Variants in CLVS1 observed in about 807,000 individuals in gnomAD.
CLVS1 encodes the protein clavesin-1.
Under a neutral mutation model 33.1 loss-of-function variants are expected in CLVS1, and 10 were observed. That is an observed-to-expected ratio of 0.30 (90% CI 0.19 to 0.51). CLVS1 has a LOEUF of 0.51. Ranked by LOEUF, CLVS1 falls within the 20% of genes least tolerant of loss-of-function variation. The pLI, the probability that CLVS1 is intolerant of heterozygous loss-of-function variation, is 0.97. For synonymous variants in CLVS1, 163 were observed against 166.1 expected (o/e 0.98, Z 0.14); for missense variants, 343 against 433.4 (o/e 0.79, Z 1.85).
In CLVS1 at chr8:61,202,798, A is replaced by G. The variant is rs572030695; in HGVS notation, c.-152+70938A>G. ...GCGATCTGCCCTCGGAGGTAGTAGC[A>G]AGCTTCCACAGAAAAAAGTAAAACT... On this transcript the variant is annotated intron_variant, in intron 2 of 2. Transcript: ENST00000522621. 241 of 1,398,164 alleles carry G rather than the reference A, an allele frequency of 1.7e-4. No homozygotes were observed. In the African/African-American group the frequency reaches 3.2e-3, roughly 18 times the overall value. The allele number at this position is 1,398,164 out of a possible 1,614,324, so 86.6% of individuals were successfully genotyped here. A position where few individuals can be genotyped will look rare whatever the true frequency, so the allele number is the denominator to read the frequency against.
At chr8:61,367,838 C>T (rs1813275639) in intron 2 of CLVS1, among the ~76,000 whole-genome samples, 1 of 152,230 alleles carries the variant, frequency 6.6e-6, no homozygotes, top group Admixed American at 6.5e-5. Flanking sequence ...TACTGATTTC[C>T]ATCTACTGGC....
chr8:60,970,350 T>A, the CLVS1 span, among the ~76,000 whole-genome samples: 1 of 152,244 alleles, frequency 6.6e-6, no homozygotes, highest in Non-Finnish European at 1.5e-5. Flanking sequence ...TCTTCACTAA[T>A]GTCCTGGGAA....
At chr8:61,160,172 T>G (rs1432346941) in intron 2 of CLVS1, among the ~76,000 whole-genome samples, 3 of 152,224 alleles carry the variant, frequency 2.0e-5, no homozygotes, top group Non-Finnish European at 2.9e-5. Flanking sequence ...GTACAACTTA[T>G]AAGATTTAGC....
At chr8:61,177,284 G>A (rs537912480) in intron 2 of CLVS1, among the ~76,000 whole-genome samples, 2 of 152,288 alleles carry the variant, frequency 1.3e-5, no homozygotes, top group African/African-American at 2.4e-5. Flanking sequence ...GGGCCTCCCT[G>A]CAGGAACTTC....
At chr8:61,311,504 G>A (rs957620064) in intron 2 of CLVS1, among the ~76,000 whole-genome samples, 2 of 152,072 alleles carry the variant, frequency 1.3e-5, no homozygotes, top group South Asian at 2.1e-4. Flanking sequence ...GTTGGGTCTC[G>A]GCTCAGAGAT....
At chr8:61,021,167 A>G in the CLVS1 span, among the ~76,000 whole-genome samples, 1 of 152,214 alleles carries the variant, frequency 6.6e-6, no homozygotes, top group Non-Finnish European at 1.5e-5. Context: ...ACAGCTCTAA[A>G]TGAGAAAATC....
At chr8:61,083,232 T>C (rs535741929) in intron 1 of CLVS1, among the ~76,000 whole-genome samples, 1 of 152,342 alleles carries the variant, frequency 6.6e-6, no homozygotes, top group African/African-American at 2.4e-5. Context: ...CACTCTCCTC[T>C]GCCTCCCAAG....
chr8:60,999,262 C>T, the CLVS1 span, among the ~76,000 whole-genome samples: 2 of 152,130 alleles, frequency 1.3e-5, no homozygotes, highest in Non-Finnish European at 2.9e-5. Context: ...GGAACATGGG[C>T]AGAGAGCCAA....
At chr8:61,446,594 C>T (rs1253059249) in intron 3 of CLVS1, among the ~76,000 whole-genome samples, 3 of 152,010 alleles carry the variant, frequency 2.0e-5, no homozygotes, top group African/African-American at 7.3e-5. Context: ...AGAAAGCCAC[C>T]GGTCCTACTC....
intron 1 of CLVS1, chr8:61,131,638 C>T (rs959964019): frequency 2.7e-5 from 4 of 150,482 alleles, no homozygotes; most frequent in African/African-American, 7.3e-5. Context: ...AGGGCATTTA[C>T]TTAATGCAAA....
the CLVS1 span, among the ~76,000 whole-genome samples, chr8:61,037,881 A>C: frequency 6.6e-6 from 1 of 152,188 alleles, no homozygotes; most frequent in African/African-American, 2.4e-5. Context: ...AGCAGGACGC[A>C]CTGAGAGAGC....
At chr8:61,459,459 T>C (rs560204395) in intron 5 of CLVS1, among the ~76,000 whole-genome samples, 115 of 152,228 alleles carry the variant, frequency 7.6e-4, no homozygotes, top group Middle Eastern at 6.8e-3. Context: ...ATCCGAGCAG[T>C]ATACACTGCA....
chr8:61,288,825 C>T lies in CLVS1; in HGVS notation c.-152+687C>T, dbSNP rs544667285. ...TTCACCCACACGTCCGTTTCCTTTC[C>T]TAAGTGTTTAATGCAGAAACTCCAG... On this transcript the variant is annotated intron_variant, in intron 1 of 5. Transcript: ENST00000325897. Among the ~76,000 whole-genome samples the T allele has an allele frequency of 5.3e-5, 8 of 152,310 alleles. No individual in the cohort carries two copies. In the East Asian group the frequency reaches 1.2e-3, roughly 22 times the overall value.
In CLVS1 at chr8:61,120,835, T is replaced by A. The variant is rs1208195231; in HGVS notation, c.-242-10935T>A. 5.4e-5 allele frequency among the ~76,000 whole-genome samples: 8 copies of A among 148,108 alleles called. No homozygotes were observed. In the South Asian group the frequency reaches 8.6e-4, roughly 16 times the overall value. Reference sequence around the variant, plus strand: ...TTACTGCTGTCTTTTTGTTTGTCTGTGCCCTGCCCCCAGAGGTGGAGCCTA... The same window carrying A: ...TTACTGCTGTCTTTTTGTTTGTCTGAGCCCTGCCCCCAGAGGTGGAGCCTA... On this transcript the variant is annotated intron_variant, in intron 1 of 2. Transcript: ENST00000522621.
chr8:61,259,030 G>T (rs1809144324), intron 2 of CLVS1, among the ~76,000 whole-genome samples: 1 of 152,170 alleles, frequency 6.6e-6, no homozygotes, highest in Admixed American at 6.5e-5. Context: ...CCTAAGTAAA[G>T]CTTAGGAAAG....
intron 3 of CLVS1, among the ~76,000 whole-genome samples, chr8:61,386,078 C>T (rs1332081909): frequency 6.6e-6 from 1 of 152,194 alleles, no homozygotes. Context: ...GGGAAAATTG[C>T]TTGACACCTG....
At chr8:61,309,068 G>A (rs900095645) in intron 2 of CLVS1, among the ~76,000 whole-genome samples, 2 of 152,138 alleles carry the variant, frequency 1.3e-5, no homozygotes, top group Non-Finnish European at 2.9e-5. Flanking sequence ...TGTAAACAAC[G>A]CAGCCATTCC....
intron 2 of CLVS1, among the ~76,000 whole-genome samples, chr8:61,234,306 G>A (rs1563456124): frequency 6.6e-6 from 1 of 152,184 alleles, no homozygotes; most frequent in Non-Finnish European, 1.5e-5. Context: ...AGTGCCTGAC[G>A]TCACTTGTTC....
intron 2 of CLVS1, among the ~76,000 whole-genome samples, chr8:61,327,980 ATAATAATATTTG>A (rs1167693150): frequency 6.6e-6 from 1 of 152,220 alleles, no homozygotes; most frequent in African/African-American, 2.4e-5. Flanking sequence ...ATTTACATAA[ATAATAATATTTG>A]TAATCACAGC....
Sources: gnomAD v4.1 joint callset for allele counts (sites outside exome capture counted in the v4.1 genomes callset) on GRCh38, gnomAD v4.1.1 for gene constraint, MANE v1.5 for transcripts, NCBI Gene and HGNC (gene_info 2026-07-23, HGNC 2026-07-21) for gene names.